The following TEX11 variants were observed in gnomAD, a reference collection of about 807,000 sequenced individuals.
TEX11 encodes testis expressed 11, also known as testis-expressed protein 11.
A neutral mutation model predicts 84.4 loss-of-function variants in TEX11; 7 were observed. The observed-to-expected ratio is 0.08, with a 90% confidence interval of 0.05 to 0.16. The LOEUF is 0.16. TEX11 is among the 10% of genes least tolerant of loss of function. The pLI, the probability that TEX11 is intolerant of heterozygous loss-of-function variation, is 1.00. For synonymous variants in TEX11, 264 were observed against 222.8 expected (o/e 1.18, Z -1.64); for missense variants, 551 against 660.5 (o/e 0.83, Z 1.82).
chrX:70,782,645 C>CAAAAAAAAAAAAAAAAAAAAAAAAAAA (rs780011355), intron 9 of TEX11, among the ~76,000 whole-genome samples: 1 of 28,903 alleles, frequency 3.5e-5, no homozygotes, highest in Non-Finnish European at 5.0e-5. Context: ...AAATGGAAAG[C>CAAAAAAAAAAAAAAAAAAAAAAAAAAA]AAAAAAAAAA....
At chrX:70,907,712 C>G in intron 2 of TEX11, 41 bp downstream of exon 2, 1 of 1,026,187 alleles carries the variant, frequency 9.7e-7, no homozygotes, top group South Asian at 1.9e-5. Context: ...CTTAAAGCAG[C>G]AGTTTGACAC....
intron 9 of TEX11, among the ~76,000 whole-genome samples, chrX:70,785,594 T>C (rs2091073048): frequency 8.9e-6 from 1 of 111,925 alleles, no homozygotes; most frequent in Non-Finnish European, 1.9e-5. Flanking sequence ...ATACGCAGAA[T>C]CTACAATGTA....
At chrX:70,899,641 C>T (rs1468412034) in intron 2 of TEX11, among the ~76,000 whole-genome samples, 4 of 107,552 alleles carry the variant, frequency 3.7e-5, no homozygotes, top group African/African-American at 1.3e-4. Flanking sequence ...GGCACCGTGG[C>T]TCACACCTGT....
chrX:70,878,014 T>C (rs1156400441), intron 3 of TEX11, among the ~76,000 whole-genome samples: 6 of 111,097 alleles, frequency 5.4e-5, no homozygotes, highest in Non-Finnish European at 1.1e-4. Flanking sequence ...CACCTAAAGA[T>C]AGTTAAGATG....
chrX:70,776,824 A>G (rs956321675), intron 9 of TEX11, among the ~76,000 whole-genome samples: 6 of 110,523 alleles, frequency 5.4e-5, no homozygotes, highest in Non-Finnish European at 1.1e-4. Flanking sequence ...GTTGGAAGGA[A>G]TAAGTTCTAA....
At position 70,721,067 on chromosome X, in the gene TEX11, AC is replaced by A. The variant is rs2090555510; in HGVS notation, c.1004+1550del. Among the ~76,000 whole-genome samples, 3 of 111,139 alleles carry A rather than the reference AC, an allele frequency of 2.7e-5. No homozygotes were observed. In the South Asian group the frequency reaches 1.1e-3, roughly 41 times the overall value. On this transcript the variant is annotated intron_variant, in intron 13 of 29. Transcript: ENST00000374333. ...TTTCTATCTAACCCTCATTTTTCTC[AC>A]CTGCAAAATGGGGTTAATCAAATTA...
In TEX11 at chrX:70,610,513, G is replaced by A; in HGVS notation, c.1782C>T (p.Cys594=). The change falls in exon 21 of 30, where the codon TGC becomes TGT. Residue 594 remains cysteine (C), a synonymous_variant. Coordinates refer to ENST00000374333, the MANE Select transcript of TEX11 (RefSeq NM_031276.3). ...KKKEMDRLLT[C]LNRAFVKLSQ... ...CAGGGAGATATTTACCTCTATTCAGGCAAGTCAAAAGTCGATCCATTTCTT... is the reference window on the plus strand; with the variant it reads ...CAGGGAGATATTTACCTCTATTCAGACAAGTCAAAAGTCGATCCATTTCTT... The A allele has an allele frequency of 8.3e-7, 1 of 1,207,099 alleles. No homozygotes were observed. Among genetic ancestry groups the A allele is most frequent in the Non-Finnish European group, 1.1e-6 (1 of 892,862 alleles).
At chrX:70,681,376 G>C (rs992378550) in intron 14 of TEX11, among the ~76,000 whole-genome samples, 1 of 112,479 alleles carries the variant, frequency 8.9e-6, no homozygotes, top group African/African-American at 3.2e-5. Flanking sequence ...GAGTAATTCT[G>C]TGTAATCAAG....
chrX:70,659,222 A>T (rs2147620211), intron 16 of TEX11, among the ~76,000 whole-genome samples: 1 of 112,297 alleles, frequency 8.9e-6, no homozygotes, highest in Admixed American at 9.4e-5. Flanking sequence ...CTCATCAAAA[A>T]TTTTTTAAAA....
At chrX:70,826,251 C>T (rs1293409781) in intron 8 of TEX11, among the ~76,000 whole-genome samples, 3 of 106,345 alleles carry the variant, frequency 2.8e-5, no homozygotes, top group African/African-American at 6.9e-5. Flanking sequence ...GCGAAGGTTG[C>T]AGTGAGCCAA....
chrX:70,647,908 A>C (rs1000392559), intron 17 of TEX11, among the ~76,000 whole-genome samples: 1 of 111,266 alleles, frequency 9.0e-6, no homozygotes, highest in Non-Finnish European at 1.9e-5. Flanking sequence ...CCATCCCATT[A>C]CTGGGTATAT....
chrX:70,599,983 T>G (rs1436184234), intron 24 of TEX11, among the ~76,000 whole-genome samples: 1 of 110,502 alleles, frequency 9.0e-6, no homozygotes, highest in East Asian at 2.8e-4. Context: ...TAAACATACG[T>G]GTGCATGTGT....
intron 24 of TEX11, among the ~76,000 whole-genome samples, chrX:70,597,888 C>T (rs2089029288): frequency 8.9e-6 from 1 of 112,043 alleles, no homozygotes; most frequent in Non-Finnish European, 1.9e-5. Context: ...ATTATTACAA[C>T]TCAGTGGTAA....
intron 25 of TEX11, among the ~76,000 whole-genome samples, chrX:70,567,739 T>G (rs1192101668): frequency 8.9e-6 from 1 of 111,812 alleles, no homozygotes; most frequent in Non-Finnish European, 1.9e-5. Context: ...TAATCCTGAG[T>G]TCTAGTTTGA....
At chrX:70,756,035 G>A (rs898669723) in intron 9 of TEX11, among the ~76,000 whole-genome samples, 7 of 112,081 alleles carry the variant, frequency 6.2e-5, no homozygotes, top group African/African-American at 1.9e-4. Context: ...GCAGCTTGGC[G>A]GGGGGAGGGG....
chrX:70,874,270 T>G (rs2147868896), intron 3 of TEX11, among the ~76,000 whole-genome samples: 1 of 110,777 alleles, frequency 9.0e-6, no homozygotes, highest in East Asian at 2.8e-4. Flanking sequence ...GGTATTTCCT[T>G]TATAGCAATG....
intron 24 of TEX11, among the ~76,000 whole-genome samples, chrX:70,595,292 C>T (rs1293828007): frequency 9.0e-6 from 1 of 110,837 alleles, no homozygotes; most frequent in Non-Finnish European, 1.9e-5. Context: ...ACCATGTTGG[C>T]CAGGCTGATT....
At chrX:70,520,938 C>T in the TEX11 span, among the ~76,000 whole-genome samples, 1 of 112,280 alleles carries the variant, frequency 8.9e-6, no homozygotes, top group Non-Finnish European at 1.9e-5. Context: ...TGGGACCTGC[C>T]GAGCCAGGCA....
intron 2 of TEX11, among the ~76,000 whole-genome samples, chrX:70,883,030 T>C (rs762010464): frequency 8.9e-6 from 1 of 112,526 alleles, no homozygotes; most frequent in East Asian, 2.8e-4. Flanking sequence ...AAGGATAAAA[T>C]GCAGTCAGCA....
Sources: allele counts gnomAD v4.1 joint callset (sites outside exome capture counted in the v4.1 genomes callset), GRCh38; gene constraint gnomAD v4.1.1; transcripts MANE v1.5; gene names NCBI Gene and HGNC (gene_info 2026-07-23, HGNC 2026-07-21).